Variants in CDCA7L observed in about 807,000 individuals in gnomAD.
CDCA7L encodes cell division cycle-associated 7-like protein.
In CDCA7L, 44 loss-of-function variants were observed where a neutral mutation model predicts 57.4. The ratio of observed to expected loss-of-function variants is 0.77; its 90% confidence interval spans 0.60 to 0.98. CDCA7L has a LOEUF of 0.98. Among genes scored for constraint, CDCA7L ranks in the 50% least tolerant of loss-of-function variants. The pLI, the probability that CDCA7L is intolerant of heterozygous loss-of-function variation, is 0.00. For synonymous variants in CDCA7L, 236 were observed against 202.8 expected (o/e 1.16, Z -1.39); for missense variants, 644 against 580.6 (o/e 1.11, Z -1.12).
At chr7:21,929,786 T>C (rs1019268125) in intron 1 of CDCA7L, among the ~76,000 whole-genome samples, 5 of 151,960 alleles carry the variant, frequency 3.3e-5, no homozygotes, top group Admixed American at 6.5e-5. Context: ...ACTAAATATA[T>C]ATGCACCCAA....
chr7:21,945,115 G>C (rs1013544035), intron 1 of CDCA7L, among the ~76,000 whole-genome samples: 5 of 152,056 alleles, frequency 3.3e-5, no homozygotes, highest in Admixed American at 3.3e-4. Flanking sequence ...AAACGTTTGG[G>C]GGAACTTACT....
rs115917503 is a variant in CDCA7L, at chr7:21,906,648, C to G, written c.682-9G>C. ...GCCAATAACTGGGCAAGCTGAAGTT[C>G]AGAACAAAAGAAAGAATCTTACAAA... On this transcript the variant is annotated splice_polypyrimidine_tract_variant and intron_variant, in intron 4 of 9. Coordinates refer to ENST00000406877, the MANE Select transcript of CDCA7L (RefSeq NM_018719.5). The G allele has an allele frequency of 3.1e-3, 5,027 of 1,613,492 alleles. 126 individuals carry two copies. In the African/African-American group the frequency reaches 0.056, roughly 18 times the overall value.
chr7:21,913,328 C>G (rs967539606), intron 2 of CDCA7L, among the ~76,000 whole-genome samples: 1 of 151,950 alleles, frequency 6.6e-6, no homozygotes, highest in African/African-American at 2.4e-5. Flanking sequence ...TGTAGTGCAG[C>G]TGCTTGAGAA....
intron 1 of CDCA7L, among the ~76,000 whole-genome samples, chr7:21,940,956 C>A (rs909275992): frequency 2.6e-5 from 4 of 152,218 alleles, no homozygotes; most frequent in African/African-American, 9.6e-5. Flanking sequence ...AGACAACATT[C>A]TTTCAGTCCA....
At chr7:21,909,472 C>T (rs1273981859) in intron 3 of CDCA7L, among the ~76,000 whole-genome samples, 2 of 152,006 alleles carry the variant, frequency 1.3e-5, no homozygotes, top group African/African-American at 2.4e-5. Context: ...TCCCCGGTGA[C>T]GACCATCAAC....
At chr7:21,918,976 T>A (rs908591671) in intron 1 of CDCA7L, among the ~76,000 whole-genome samples, 1 of 152,252 alleles carries the variant, frequency 6.6e-6, no homozygotes, top group African/African-American at 2.4e-5. Flanking sequence ...CCATTGACAA[T>A]TCTTTTTTTT....
At chr7:21,905,673 A>AGTT in intron 6 of CDCA7L, 42 bp from the exon 7 acceptor site, 1 of 1,579,604 alleles carries the variant, frequency 6.3e-7, no homozygotes, top group Non-Finnish European at 8.6e-7. Flanking sequence ...TGTGTTGAGC[A>AGTT]GTTATAAAAA....
intron 4 of CDCA7L, among the ~76,000 whole-genome samples, chr7:21,907,927 T>C (rs558024856): frequency 2.0e-5 from 3 of 152,366 alleles, no homozygotes; most frequent in East Asian, 1.9e-4. Flanking sequence ...GGGGAATCTC[T>C]TTCTGTTCCC....
Position 21,904,180 on chromosome 7 carries a change from C to G in CDCA7L, c.1127G>C (p.Arg376Pro). 1 of 1,613,836 alleles carries G rather than the reference C, an allele frequency of 6.2e-7. No homozygotes were observed. Among genetic ancestry groups the G allele is most frequent in the South Asian group, 1.1e-5 (1 of 91,026 alleles). The change falls in exon 8 of 10, where the codon CGA (arginine) becomes CCA (proline). Residue 376 changes from arginine (R) to proline (P), a missense_variant. Physicochemically the swap from Arg to Pro is moderately radical, Grantham distance 103. Transcript: ENST00000406877. ...VCRNQGCCGV[R>P]GQFCGPCLRN... is the part of the protein sequence containing the mutation. ...CAGGCATGGTCCACAGAACTGTCCT[C>G]GCACACCACAGCAACCCTGGTTCCG...
chr7:21,937,806 A>G lies in CDCA7L; in HGVS notation c.24+7975T>C, dbSNP rs528311529. Among the ~76,000 whole-genome samples the G allele has an allele frequency of 1.1e-4, 17 of 152,342 alleles. No individual in the cohort carries two copies. In the South Asian group the frequency reaches 3.3e-3, roughly 30 times the overall value. On this transcript the variant is annotated intron_variant, in intron 1 of 9. Coordinates refer to ENST00000406877, the MANE Select transcript of CDCA7L (RefSeq NM_018719.5). Reference sequence around the variant, plus strand: ...CCCAGATACAAACCCTTGCATATACAGTTAACTAATTTTCAACAAGGATGC... The same window carrying G: ...CCCAGATACAAACCCTTGCATATACGGTTAACTAATTTTCAACAAGGATGC...
At chr7:21,902,568 T>TTCAGAGTTTATTAGAG in intron 9 of CDCA7L, 1 of 589,920 alleles carries the variant, frequency 1.7e-6, no homozygotes, top group South Asian at 2.1e-5. Context: ...AGAACCACGA[T>TTCAGAGTTTATTAGAG]TCAGAGTTTA....
At position 21,945,842 on chromosome 7, in the gene CDCA7L, G is replaced by C. The variant is rs543929164; in HGVS notation, c.-38C>G. 6.3e-7 allele frequency: 1 copy of C among 1,589,204 alleles called. No individual in the cohort carries two copies. Among genetic ancestry groups the C allele is most frequent in the East Asian group, 2.4e-5 (1 of 42,034 alleles). Reference sequence around the variant, plus strand: ...GGCTCCAGTCTCCTCCCAGCACGCGGCCACGGGAGCCCGGACTCACCACGG... The same window carrying C: ...GGCTCCAGTCTCCTCCCAGCACGCGCCCACGGGAGCCCGGACTCACCACGG... On this transcript the variant is annotated 5_prime_UTR_variant, in exon 1 of 10. Coordinates refer to ENST00000406877, the MANE Select transcript of CDCA7L (RefSeq NM_018719.5).
intron 1 of CDCA7L, among the ~76,000 whole-genome samples, chr7:21,942,737 C>T (rs965470254): frequency 2.0e-5 from 3 of 152,116 alleles, no homozygotes; most frequent in African/African-American, 4.8e-5. Context: ...TTTTGAGAAT[C>T]CTGCTCTGCT....
At chr7:21,945,698 A>T in intron 1 of CDCA7L, 83 bp downstream of exon 1, 1 of 1,549,182 alleles carries the variant, frequency 6.5e-7, no homozygotes, top group Non-Finnish European at 8.8e-7. Context: ...CCACGTTTCC[A>T]GCCCAAGGCC....
chr7:21,910,828 A>C (rs1329874082), intron 3 of CDCA7L, among the ~76,000 whole-genome samples: 1 of 152,114 alleles, frequency 6.6e-6, no homozygotes, highest in African/African-American at 2.4e-5. Context: ...ACTAAAAAGC[A>C]TGACAAATCC....
In CDCA7L at chr7:21,903,061, C is replaced by CTTCCGACAGTAGCTGCAATT; in HGVS notation, c.1231_1250dup (p.Arg418IlefsTer41). The CTTCCGACAGTAGCTGCAATT allele has an allele frequency of 1.9e-6, 3 of 1,614,124 alleles. No homozygotes were observed. Among genetic ancestry groups the CTTCCGACAGTAGCTGCAATT allele is most frequent in the Non-Finnish European group, 2.5e-6 (3 of 1,179,984 alleles). On this transcript the variant is annotated frameshift_variant, in exon 9 of 10. Coordinates refer to ENST00000406877, the MANE Select transcript of CDCA7L (RefSeq NM_018719.5). LOFTEE classifies it high-confidence loss of function. ...TTCCTGTGGCACAGCGGCCGTCACGCTTCCGACAGTAGCTGCAATTGCAGA... is the reference window on the plus strand; with the variant it reads ...TTCCTGTGGCACAGCGGCCGTCACGCTTCCGACAGTAGCTGCAATTTTCCGACAGTAGCTGCAATTGCAGA...
At chr7:21,923,781 G>C (rs576439818) in intron 1 of CDCA7L, among the ~76,000 whole-genome samples, 5 of 152,324 alleles carry the variant, frequency 3.3e-5, no homozygotes, top group South Asian at 2.1e-4. Context: ...GCTGTTTGCA[G>C]AACCACACTT....
chr7:21,934,523 G>A (rs1379374680), intron 1 of CDCA7L, among the ~76,000 whole-genome samples: 1 of 152,062 alleles, frequency 6.6e-6, no homozygotes, highest in African/African-American at 2.4e-5. Context: ...AAAGCCATAG[G>A]ATATACAGAA....
intron 4 of CDCA7L, among the ~76,000 whole-genome samples, chr7:21,907,088 A>AT (rs1785165497): frequency 6.6e-6 from 1 of 152,242 alleles, no homozygotes; most frequent in South Asian, 2.1e-4. Flanking sequence ...CTTTAAATAG[A>AT]TTAATTTCTC....
Sources: gnomAD v4.1 joint callset for allele counts (sites outside exome capture counted in the v4.1 genomes callset) on GRCh38, gnomAD v4.1.1 for gene constraint, MANE v1.5 for transcripts, NCBI Gene and HGNC (gene_info 2026-07-23, HGNC 2026-07-21) for gene names.